The following PNPLA7 variants were observed in gnomAD, a reference collection of about 807,000 sequenced individuals.
PNPLA7 encodes the protein patatin-like phospholipase domain-containing protein 7.
A neutral mutation model predicts 161.7 loss-of-function variants in PNPLA7; 153 were observed. The ratio of observed to expected loss-of-function variants is 0.95; its 90% CI spans 0.83 to 1.08. The LOEUF is 1.08. PNPLA7 is among the 50% of genes least tolerant of loss of function. PNPLA7 has a pLI of 0.00. For synonymous variants in PNPLA7, 809 were observed against 782.1 expected (o/e 1.03, Z -0.57); for missense variants, 1,739 against 1,856.6 (o/e 0.94, Z 1.16).
rs773525715 is a variant in PNPLA7, at chr9:137,546,881, C to T, written c.222G>A (p.Arg74=). 1.9e-6 allele frequency: 3 copies of T among 1,613,858 alleles called. No individual in the cohort carries two copies. The highest frequency in any genetic ancestry group is 2.7e-5 in the African/African-American group (2 of 74,946). ...ACATCACTTTGTCTCTCTTCCGGAA[C>T]CGGTACTGAGGAGTGGGCTGTGCTT... is the stretch of plus-strand genomic sequence containing the variant. The part of the protein sequence containing the change: ...FRQAQPTPQY[R]FRKRDKVMFY... Residue 74 remains arginine, a synonymous_variant, in exon 4 of 35, where the codon CGG becomes CGA. Coordinates refer to ENST00000406427, the MANE Select transcript of PNPLA7 (RefSeq NM_001098537.3).
At chr9:137,542,254 A>G (rs113186352) in intron 7 of PNPLA7, among the ~76,000 whole-genome samples, 54 of 152,158 alleles carry the variant, frequency 3.5e-4, no homozygotes, top group Non-Finnish European at 7.6e-4. Context: ...GAATCGCCTG[A>G]GCACAGGAAT....
chr9:137,518,291 A>C, intron 11 of PNPLA7, among the ~76,000 whole-genome samples: 1 of 109,012 alleles, frequency 9.2e-6, no homozygotes, highest in African/African-American at 4.2e-5. Flanking sequence ...TCCATCCCCC[A>C]CTCACTGACT....
At chr9:137,462,398 C>T (rs561218312) in intron 30 of PNPLA7, 67 bp from the exon 31 acceptor site, 6 of 1,530,608 alleles carry the variant, frequency 3.9e-6, no homozygotes, top group South Asian at 3.8e-5. Flanking sequence ...TGGCCCGTGG[C>T]GCAGGACAGG....
At position 137,460,887 on chromosome 9, in the gene PNPLA7, C is replaced by T. The variant is rs543312068; in HGVS notation, c.3842-150G>A. The stretch of plus-strand genomic sequence containing the variant: ...TACACGCAGCCACCTGGTCCCAGGG[C>T]AGCCCTGCACACCACCCCTGGTTCT... On this transcript the variant is annotated intron_variant, in intron 33 of 34. Transcript: ENST00000406427. The T allele has an allele frequency of 6.3e-5, 40 of 634,816 alleles. 2 individuals are homozygous for T. The South Asian group carries it at 7.4e-4, about 12-fold the overall frequency. 39.3% of individuals were successfully genotyped at this position (634,816 alleles called of 1,614,324 possible). A position where few individuals can be genotyped will look rare whatever the true frequency, so the allele number is the denominator to read the frequency against.
At chr9:137,478,387 AAG>A (rs1832042429) in intron 24 of PNPLA7, 2 of 373,436 alleles carry the variant, frequency 5.4e-6, no homozygotes, top group Non-Finnish European at 9.4e-6. Context: ...GTACGTGGGC[AAG>A]AGAGTGGGCC....
chr9:137,503,414 GAAGA>G (rs1356389086), intron 14 of PNPLA7, among the ~76,000 whole-genome samples: 1 of 144,510 alleles, frequency 6.9e-6, no homozygotes, highest in Admixed American at 7.1e-5. Flanking sequence ...GGGAGAAGGA[GAAGA>G]AAGAAAGAAG....
chr9:137,477,198 C>T (rs1271813672), intron 25 of PNPLA7, among the ~76,000 whole-genome samples: 1 of 152,244 alleles, frequency 6.6e-6, no homozygotes, highest in Non-Finnish European at 1.5e-5. Context: ...CATGCCTGTC[C>T]CACCCTCCTC....
At chr9:137,534,044 C>T (rs1365018300) in intron 8 of PNPLA7, among the ~76,000 whole-genome samples, 1 of 151,674 alleles carries the variant, frequency 6.6e-6, no homozygotes, top group Non-Finnish European at 1.5e-5. Flanking sequence ...GATGGGAGCA[C>T]CCCCAGACTC....
rs1413846856 is a variant in PNPLA7, at chr9:137,541,522, C to T, written c.667-800G>A. On this transcript the variant is annotated intron_variant, in intron 7 of 34. Coordinates refer to ENST00000406427, the MANE Select transcript of PNPLA7 (RefSeq NM_001098537.3). This position sits in a 1 kb window ranked among gnomAD's most constrained non-coding sequence, Gnocchi z 4.4. Reference sequence around the variant, plus strand: ...AGCCCACTCCCGGGACCACAGCTGGCAGGAGCCCTGCAGGTCAGGGTGATG... The same window carrying T: ...AGCCCACTCCCGGGACCACAGCTGGTAGGAGCCCTGCAGGTCAGGGTGATG... The T allele has an allele frequency of 6.1e-6, 6 of 984,462 alleles. No homozygotes were observed. The East Asian group carries it at 5.7e-4, about 93-fold the overall frequency. 61.0% of individuals were successfully genotyped at this position (984,462 alleles called of 1,614,324 possible).
At chr9:137,549,306 G>A (rs1274736057) in intron 1 of PNPLA7, among the ~76,000 whole-genome samples, 4 of 152,072 alleles carry the variant, frequency 2.6e-5, no homozygotes, top group Non-Finnish European at 1.5e-5. Context: ...GGTGGCTCAT[G>A]CCTGTAATCC....
intron 28 of PNPLA7, 49 bp downstream of exon 28, chr9:137,464,077 G>T: frequency 1.3e-6 from 2 of 1,588,032 alleles, no homozygotes; most frequent in South Asian, 1.1e-5. Context: ...CTCTCCCCCT[G>T]CCCACACCTC....
Position 137,498,394 on chromosome 9 carries a change from C to A in PNPLA7, c.1758-149G>T, listed in dbSNP as rs546974179. The A allele has an allele frequency of 8.7e-5, 104 of 1,198,076 alleles. No individual in the cohort carries two copies. In the African/African-American group the frequency reaches 1.5e-3, roughly 17 times the overall value. The allele number at this position is 1,198,076 out of a possible 1,614,324, so 74.2% of individuals were successfully genotyped here. A position where few individuals can be genotyped will look rare whatever the true frequency, so the allele number is the denominator to read the frequency against. ...CTGGCAGGGGCTGGGACGGGGCACG[C>A]ACCAGTCAGCTGCCTGCCCCACGGC... On this transcript the variant is annotated intron_variant, in intron 16 of 34. Transcript: ENST00000406427.
intron 12 of PNPLA7, among the ~76,000 whole-genome samples, chr9:137,512,032 C>T (rs935301935): frequency 2.0e-5 from 3 of 152,220 alleles, no homozygotes; most frequent in East Asian, 1.9e-4. Context: ...GGGCCACTAC[C>T]GGACTCTGCG....
Position 137,460,038 on chromosome 9 carries a change from A to G in PNPLA7, c.*355T>C. The G allele has an allele frequency of 3.8e-6, 1 of 260,926 alleles. No homozygotes were observed. The highest frequency in any genetic ancestry group is 7.7e-6 in the Non-Finnish European group (1 of 129,608). The allele number at this position is 260,926 out of a possible 1,614,324, so 16.2% of individuals were successfully genotyped here. On this transcript the variant is annotated 3_prime_UTR_variant, in exon 35 of 35. Coordinates refer to ENST00000406427, the MANE Select transcript of PNPLA7 (RefSeq NM_001098537.3). ...CAGGGCAGCAGGCAGTTCACAGGAC[A>G]GCAGGCAGTTCACAGGGCTTTGGGG... is the stretch of plus-strand genomic sequence containing the variant.
rs116785018 is a variant in PNPLA7 at position 137,541,323 on chromosome 9, G to A, written c.667-601C>T. 3.8e-3 allele frequency: 2,392 copies of A among 628,040 alleles called. 44 individuals carry two copies. The African/African-American group carries it at 0.042, about 11-fold the overall frequency. The allele number at this position is 628,040 out of a possible 1,614,324, so 38.9% of individuals were successfully genotyped here. On this transcript the variant is annotated intron_variant, in intron 7 of 34. Transcript: ENST00000406427. The surrounding 1 kb of genome is among the most constrained non-coding windows in gnomAD (Gnocchi z 4.4). ...AAAGCCGCTGCTTCACCAGCTGGGC[G>A]GCCTCATCCCCAGGAGCTACTGGCT...
At chr9:137,474,741 A>G (rs958831415) in intron 25 of PNPLA7, among the ~76,000 whole-genome samples, 1 of 152,030 alleles carries the variant, frequency 6.6e-6, no homozygotes, top group African/African-American at 2.4e-5. Context: ...GGCTGGGCGC[A>G]GTGGCTCACG....
chr9:137,523,992 A>T lies in PNPLA7; in HGVS notation c.748-1135T>A, dbSNP rs1174876960. Among the ~76,000 whole-genome samples the T allele has an allele frequency of 2.0e-5, 3 of 152,190 alleles. No homozygotes were observed. The East Asian group carries it at 5.8e-4, about 29-fold the overall frequency. On this transcript the variant is annotated intron_variant, in intron 8 of 34. Coordinates refer to ENST00000406427, the MANE Select transcript of PNPLA7 (RefSeq NM_001098537.3). The surrounding 1 kb of genome is among the most constrained non-coding windows in gnomAD (Gnocchi z 4.4). ...AGCCTTCTGTTTACATCACGCCGTC[A>T]CCTGCATGCAGAGGCAGATTCACCC...
intron 14 of PNPLA7, among the ~76,000 whole-genome samples, chr9:137,502,908 C>G (rs553308148): frequency 2.6e-5 from 4 of 151,674 alleles, no homozygotes; most frequent in South Asian, 2.1e-4. Flanking sequence ...CAGTGACGTG[C>G]TATGATGATG....
intron 21 of PNPLA7, among the ~76,000 whole-genome samples, chr9:137,484,014 C>A (rs1214169712): frequency 6.6e-6 from 1 of 152,048 alleles, no homozygotes. Context: ...TGGCTCACTG[C>A]AACCTCTATC....
Sources: gnomAD v4.1 joint callset for allele counts (sites outside exome capture counted in the v4.1 genomes callset) on GRCh38, gnomAD v4.1.1 for gene constraint, Gnocchi (gnomAD v3.1) non-coding constraint, MANE v1.5 for transcripts, NCBI Gene and HGNC (gene_info 2026-07-23, HGNC 2026-07-21) for gene names.